Variants in SASH1 observed in about 807,000 individuals in gnomAD.
SASH1 encodes the protein SAM and SH3 domain-containing protein 1.
In SASH1, 44 loss-of-function variants were observed where a neutral mutation model predicts 125.2. The ratio of observed to expected loss-of-function variants is 0.35; its 90% confidence interval spans 0.28 to 0.45. The LOEUF is 0.45. Among genes scored for constraint, SASH1 ranks in the 20% least tolerant of loss-of-function variants. The pLI, the probability that SASH1 is intolerant of heterozygous loss-of-function variation, is 1.00. For synonymous variants in SASH1, 639 were observed against 649.1 expected, an observed-to-expected ratio of 0.98 and a Z score of 0.24; for missense variants, 1,426 against 1,614.5, an observed-to-expected ratio of 0.88 and a Z score of 2.00.
rs527485985 is a variant in SASH1 at position 148,433,984 on chromosome 6, G to A, written c.286-6200G>A. ...TAAATTGAGAAGTAACCATTGGCGT[G>A]TAGAATTCTTTTAGATATTTTCTTC... On this transcript the variant is annotated intron_variant, in intron 2 of 19. Coordinates refer to ENST00000367467, the MANE Select transcript of SASH1 (RefSeq NM_015278.5). Among the ~76,000 whole-genome samples, 3 of 150,544 alleles carry A rather than the reference G, an allele frequency of 2.0e-5. No individual in the cohort carries two copies. In the South Asian group the frequency reaches 6.3e-4, roughly 32 times the overall value.
At chr6:148,367,703 G>A (rs1007112174) in intron 1 of SASH1, among the ~76,000 whole-genome samples, 1 of 152,254 alleles carries the variant, frequency 6.6e-6, no homozygotes, top group Non-Finnish European at 1.5e-5. Flanking sequence ...TCTGCCCCAG[G>A]TTGGGGTGAT....
intron 4 of SASH1, among the ~76,000 whole-genome samples, chr6:148,456,389 C>G (rs1433387122): frequency 6.6e-6 from 1 of 152,212 alleles, no homozygotes; most frequent in African/African-American, 2.4e-5. Flanking sequence ...GCCTGCCTCA[C>G]GCAAACAGAG....
At chr6:148,361,902 CTTTTTCTTTTTCT>C (rs1353483660) in intron 1 of SASH1, among the ~76,000 whole-genome samples, 2 of 137,640 alleles carry the variant, frequency 1.5e-5, no homozygotes, top group African/African-American at 5.6e-5. Context: ...TTTCTTTTTT[CTTTTTCTTTTTCT>C]TTTTTTTTTT....
chr6:148,205,388 ACTT>A, the SASH1 span, among the ~76,000 whole-genome samples: 1 of 151,980 alleles, frequency 6.6e-6, no homozygotes, highest in South Asian at 2.1e-4. Flanking sequence ...TTTTTCATAA[ACTT>A]CTTTTTTCCA....
At chr6:148,510,016 CTA>C (rs1039367363) in intron 8 of SASH1, among the ~76,000 whole-genome samples, 5 of 152,202 alleles carry the variant, frequency 3.3e-5, no homozygotes, top group Non-Finnish European at 7.3e-5. Context: ...AAATGGTGTG[CTA>C]TCTCTTTAAA....
the SASH1 span, among the ~76,000 whole-genome samples, chr6:148,224,492 C>T: frequency 6.6e-6 from 1 of 152,060 alleles, no homozygotes; most frequent in Admixed American, 6.6e-5. Context: ...TCCCAAATAG[C>T]TGGGATTACA....
In SASH1 at chr6:148,313,990, G is replaced by A. The variant is rs185376671; in HGVS notation, n.74+41613G>A. Among the ~76,000 whole-genome samples, 10 of 152,184 alleles carry A rather than the reference G, an allele frequency of 6.6e-5. No homozygotes were observed. The East Asian group carries it at 1.7e-3, about 26-fold the overall frequency. On this transcript the variant is annotated intron_variant and non_coding_transcript_variant, in intron 1 of 3. Transcript: ENST00000367469. ...TTTAGCATAAGCTCAGTGTTTTCCT[G>A]TCCAGATTTTCATAAGCAAGTCAGG... is the stretch of plus-strand genomic sequence containing the variant.
rs557214316 is a variant in SASH1 at position 148,360,146 on chromosome 6, C to T, written c.156+16923C>T. 2.6e-4 allele frequency among the ~76,000 whole-genome samples: 39 copies of T among 152,242 alleles called. No individual in the cohort carries two copies. In the South Asian group the frequency reaches 7.5e-3, roughly 29 times the overall value. On this transcript the variant is annotated intron_variant, in intron 1 of 19. Coordinates refer to ENST00000367467, the MANE Select transcript of SASH1 (RefSeq NM_015278.5). ...GGAGGACTTCCTTTACTGATTCCTA[C>T]ATGGCTCTGCATTCCATGCTTCCTT...
chr6:148,530,395 A>T (rs1310553470), intron 12 of SASH1, among the ~76,000 whole-genome samples: 1 of 148,278 alleles, frequency 6.7e-6, no homozygotes, highest in Non-Finnish European at 1.5e-5. Flanking sequence ...GGAGGAATGA[A>T]TTTTTTTTTT....
At chr6:148,258,701 T>G in the SASH1 span, among the ~76,000 whole-genome samples, 2 of 152,198 alleles carry the variant, frequency 1.3e-5, no homozygotes, top group Non-Finnish European at 2.9e-5. Context: ...CAGTCTGTAA[T>G]CAACCAAAAG....
intron 4 of SASH1, among the ~76,000 whole-genome samples, chr6:148,463,113 G>A (rs1020822641): frequency 6.6e-6 from 1 of 151,910 alleles, no homozygotes; most frequent in African/African-American, 2.4e-5. Flanking sequence ...GCAACCTAGA[G>A]TTTCCACTGT....
chr6:148,368,660 T>C (rs1782572208), intron 1 of SASH1, among the ~76,000 whole-genome samples: 1 of 151,982 alleles, frequency 6.6e-6, no homozygotes, highest in South Asian at 2.1e-4. Flanking sequence ...ATTGAAATGA[T>C]GTACAAGAAT....
intron 1 of SASH1, among the ~76,000 whole-genome samples, chr6:148,330,433 C>T (rs1286662925): frequency 6.6e-6 from 1 of 152,158 alleles, no homozygotes; most frequent in East Asian, 1.9e-4. Flanking sequence ...GCCAAGTGGA[C>T]ATTCTCATAG....
At chr6:148,362,685 C>CA (rs1402163597) in intron 1 of SASH1, among the ~76,000 whole-genome samples, 3 of 151,462 alleles carry the variant, frequency 2.0e-5, no homozygotes, top group Non-Finnish European at 4.4e-5. Flanking sequence ...CCCTTCTCTA[C>CA]AAAAAATAAA....
intron 1 of SASH1, among the ~76,000 whole-genome samples, chr6:148,336,941 ACATTT>A (rs970959597): frequency 6.6e-6 from 1 of 152,224 alleles, no homozygotes; most frequent in African/African-American, 2.4e-5. Context: ...AAAACTAATT[ACATTT>A]CGTATGTTGA....
intron 10 of SASH1, among the ~76,000 whole-genome samples, chr6:148,524,236 A>ACAT (rs146732958): frequency 0.033 from 4,939 of 150,304 alleles, 267 homozygotes; most frequent in African/African-American, 0.11. Flanking sequence ...CCAACCTAAT[A>ACAT]CATTGTACTT....
At chr6:148,403,781 C>T (rs1023466433) in intron 2 of SASH1, among the ~76,000 whole-genome samples, 5 of 152,218 alleles carry the variant, frequency 3.3e-5, no homozygotes, top group African/African-American at 1.2e-4. Flanking sequence ...ATCCACCCAC[C>T]TCGACCTCCC....
At chr6:148,324,806 A>T (rs1321025869) in intron 1 of SASH1, among the ~76,000 whole-genome samples, 1 of 152,158 alleles carries the variant, frequency 6.6e-6, no homozygotes, top group Admixed American at 6.6e-5. Context: ...TTCCAGTGCT[A>T]AAACTGTGGT....
the SASH1 span, among the ~76,000 whole-genome samples, chr6:148,200,426 G>A: frequency 1.9e-4 from 29 of 152,326 alleles, no homozygotes; most frequent in African/African-American, 6.3e-4. Flanking sequence ...CAGAGCGAGC[G>A]GGAGGGGGCC....
Sources: allele counts gnomAD v4.1 joint callset (sites outside exome capture counted in the v4.1 genomes callset), GRCh38; gene constraint gnomAD v4.1.1; transcripts MANE v1.5; gene names NCBI Gene and HGNC (gene_info 2026-07-23, HGNC 2026-07-21).